Variants in MAN2A1 observed in about 807,000 individuals in gnomAD.
The protein encoded by MAN2A1 is mannosidase alpha class 2A member 1.
MAN2A1 carries 76 observed loss-of-function variants against 142.6 expected under a neutral mutation model. The ratio of observed to expected loss-of-function variants is 0.53; its 90% confidence interval spans 0.44 to 0.65. The LOEUF is 0.65. MAN2A1 is among the 30% of genes least tolerant of loss of function. The pLI, the probability that MAN2A1 is intolerant of heterozygous loss-of-function variation, is 0.00. For synonymous variants in MAN2A1, 559 were observed against 473.2 expected (o/e 1.18, Z -2.35); for missense variants, 1,311 against 1,365.1 (o/e 0.96, Z 0.62).
chr5:109,721,553 G>T (rs948673218), intron 3 of MAN2A1, among the ~76,000 whole-genome samples: 1 of 152,098 alleles, frequency 6.6e-6, no homozygotes, highest in Non-Finnish European at 1.5e-5. Flanking sequence ...ATTCAACTTG[G>T]CTGTGCATTT....
At chr5:109,818,513 A>G (rs957057954) in intron 13 of MAN2A1, among the ~76,000 whole-genome samples, 2 of 152,194 alleles carry the variant, frequency 1.3e-5, no homozygotes, top group African/African-American at 2.4e-5. Flanking sequence ...AGCAGGGGTC[A>G]TGTCTTAAAC....
intron 7 of MAN2A1, among the ~76,000 whole-genome samples, chr5:109,772,147 C>T (rs1211609723): frequency 6.6e-6 from 1 of 152,120 alleles, no homozygotes; most frequent in African/African-American, 2.4e-5. Context: ...GTAATCCTAG[C>T]ACTTTGGGAG....
At chr5:109,736,509 C>G (rs914183919) in intron 4 of MAN2A1, among the ~76,000 whole-genome samples, 1 of 151,832 alleles carries the variant, frequency 6.6e-6, no homozygotes. Flanking sequence ...TGGGCAAGAC[C>G]GGAACTCTAA....
chr5:109,820,237 A>G lies in MAN2A1; in HGVS notation c.2346A>G (p.Glu782=). The G allele has an allele frequency of 6.2e-7, 1 of 1,607,768 alleles. No individual in the cohort carries two copies. Residue 782 remains glutamate, a synonymous_variant, in exon 15 of 22, where the codon GAA becomes GAG. Transcript: ENST00000261483. Reference sequence around the variant, plus strand: ...ATCTTTAGCAAATGATGACTAAAGAAGATGGTAAACACCATGAAGTAAATG... The same window carrying G: ...ATCTTTAGCAAATGATGACTAAAGAGGATGGTAAACACCATGAAGTAAATG... ...TGLMKQMMTK[E]DGKHHEVNVQ...
In MAN2A1 at chr5:109,805,604, T is replaced by G. The variant is rs532914229; in HGVS notation, c.1944-11669T>G. Among the ~76,000 whole-genome samples, 5 of 152,298 alleles carry G rather than the reference T, an allele frequency of 3.3e-5. No homozygotes were observed. In the East Asian group the frequency reaches 9.7e-4, roughly 29 times the overall value. ...GAGCACAGTGTTGTGAAGGGACCCT[T>G]GCATGAGAGTCAGAGGACTGATTCT... On this transcript the variant is annotated intron_variant, in intron 12 of 21. Coordinates refer to ENST00000261483, the MANE Select transcript of MAN2A1 (RefSeq NM_002372.4).
chr5:109,732,616 G>C (rs1039651625), intron 4 of MAN2A1, among the ~76,000 whole-genome samples: 2 of 152,126 alleles, frequency 1.3e-5, no homozygotes, highest in Non-Finnish European at 2.9e-5. Context: ...TTATTAAATA[G>C]GGAATCCTTT....
intron 16 of MAN2A1, among the ~76,000 whole-genome samples, chr5:109,837,770 C>G (rs1028813961): frequency 2.6e-5 from 4 of 152,178 alleles, no homozygotes; most frequent in African/African-American, 9.7e-5. Context: ...GACATGGTCT[C>G]TAGCCTTAGG....
At chr5:109,736,320 A>T (rs950953183) in intron 4 of MAN2A1, among the ~76,000 whole-genome samples, 2 of 152,126 alleles carry the variant, frequency 1.3e-5, no homozygotes, top group African/African-American at 2.4e-5. Context: ...CCACATAAGC[A>T]TTGATATTTG....
chr5:109,847,931 C>T (rs529860339), intron 19 of MAN2A1, 141 bp downstream of exon 19: 2 of 492,624 alleles, frequency 4.1e-6, no homozygotes, highest in Admixed American at 8.7e-5. Context: ...CCCACATTCA[C>T]AGAAAGAGAA....
At position 109,867,555 on chromosome 5, in the gene MAN2A1, A is replaced by ACCT. The variant is rs1755918018; in HGVS notation, c.*557_*558insCCT. 1 of 152,580 alleles carries ACCT rather than the reference A, an allele frequency of 6.6e-6. No individual in the cohort carries two copies. The highest frequency in any genetic ancestry group is 2.4e-5 in the African/African-American group (1 of 41,444). 9.5% of individuals were successfully genotyped at this position (152,580 alleles called of 1,614,324 possible). A position where few individuals can be genotyped will look rare whatever the true frequency, so the allele number is the denominator to read the frequency against. On this transcript the variant is annotated 3_prime_UTR_variant, in exon 22 of 22. Transcript: ENST00000261483. Reference sequence around the variant, plus strand: ...TAGATGATTTTTATACCTTTTTCTGATGTACCTCTTGACCTTCTCCTTCCC... The same window carrying ACCT: ...TAGATGATTTTTATACCTTTTTCTGACCTTGTACCTCTTGACCTTCTCCTTCCC...
intron 13 of MAN2A1, among the ~76,000 whole-genome samples, chr5:109,819,217 G>C (rs576715795): frequency 6.6e-6 from 1 of 152,288 alleles, no homozygotes; most frequent in East Asian, 1.9e-4. Context: ...AGTGTTCTGA[G>C]TACATGAAAG....
chr5:109,743,548 G>C (rs541893023), intron 4 of MAN2A1, among the ~76,000 whole-genome samples: 3 of 152,286 alleles, frequency 2.0e-5, no homozygotes, highest in Admixed American at 1.3e-4. Flanking sequence ...CCCAGAAATA[G>C]TGGGCAAATA....
chr5:109,797,999 A>T (rs1753909222), intron 12 of MAN2A1, among the ~76,000 whole-genome samples: 1 of 152,230 alleles, frequency 6.6e-6, no homozygotes, highest in Non-Finnish European at 1.5e-5. Context: ...AAATTTCTTG[A>T]TGAGGTCAGT....
At chr5:109,705,778 T>C (rs746593237) in intron 1 of MAN2A1, among the ~76,000 whole-genome samples, 4 of 152,192 alleles carry the variant, frequency 2.6e-5, no homozygotes, top group Non-Finnish European at 5.9e-5. Flanking sequence ...GGGGAGAATC[T>C]GTTTCCCTGC....
chr5:109,770,204 C>G (rs1010612777), intron 6 of MAN2A1, 151 bp from the exon 7 acceptor site: 12 of 631,802 alleles, frequency 1.9e-5, no homozygotes, highest in Non-Finnish European at 2.7e-6. Context: ...CATTAAATAC[C>G]GCTGGGGTAT....
chr5:109,842,742 A>G (rs969715660), intron 17 of MAN2A1, among the ~76,000 whole-genome samples: 1 of 151,112 alleles, frequency 6.6e-6, no homozygotes, highest in African/African-American at 2.4e-5. Context: ...GCTAAAAAAT[A>G]TATATATGAA....
In MAN2A1 at chr5:109,764,918, A is replaced by G. The variant is rs1028897753; in HGVS notation, c.836-2617A>G. Reference sequence around the variant, plus strand: ...TAGTACTTGGGAAGGACTCCCATGTATCTTGTACATTGATTCATATGTATA... The same window carrying G: ...TAGTACTTGGGAAGGACTCCCATGTGTCTTGTACATTGATTCATATGTATA... On this transcript the variant is annotated intron_variant, in intron 5 of 21. Coordinates refer to ENST00000261483, the MANE Select transcript of MAN2A1 (RefSeq NM_002372.4). Among the ~76,000 whole-genome samples the G allele has an allele frequency of 9.8e-5, 15 of 152,296 alleles. 1 individual carries two copies. Among genetic ancestry groups the G allele is most frequent in the Admixed American group, 7.8e-4 (12 of 15,298 alleles).
intron 10 of MAN2A1, among the ~76,000 whole-genome samples, chr5:109,788,084 A>C (rs1285684871): frequency 6.6e-6 from 1 of 151,778 alleles, no homozygotes; most frequent in African/African-American, 2.4e-5. Context: ...GCATAGATCC[A>C]AAGTTGCTTT....
At chr5:109,847,545 T>C in intron 18 of MAN2A1, 112 bp from the exon 19 acceptor site, 1 of 949,668 alleles carries the variant, frequency 1.1e-6, no homozygotes, top group Non-Finnish European at 1.4e-6. Context: ...CCTCCTTGAC[T>C]AGAGAGGAAA....
Sources: allele counts gnomAD v4.1 joint callset (sites outside exome capture counted in the v4.1 genomes callset), GRCh38; gene constraint gnomAD v4.1.1; transcripts MANE v1.5; gene names NCBI Gene and HGNC (gene_info 2026-07-23, HGNC 2026-07-21).